VOPP1: variants seen among roughly 807,000 people sequenced by gnomAD.
The protein encoded by VOPP1 is WW domain binding protein VOPP1.
Under a neutral mutation model 23.5 loss-of-function variants are expected in VOPP1, and 8 were observed. The observed-to-expected ratio is 0.34, with a 90% CI of 0.20 to 0.61. The LOEUF (loss-of-function observed/expected upper bound fraction) is 0.61, where lower values mean the gene tolerates loss of function less well. Ranked by LOEUF, VOPP1 falls within the 20% of genes least tolerant of loss-of-function variation. The probability of loss-of-function intolerance (pLI) is 0.78; values close to 1 mark genes in which losing one functional copy is unlikely to be tolerated. For synonymous variants in VOPP1, 83 were observed against 97.3 expected, an observed-to-expected ratio of 0.85 and a Z score of 0.86; for missense variants, 174 against 238.1, an observed-to-expected ratio of 0.73 and a Z score of 1.77.
intron 1 of VOPP1, among the ~76,000 whole-genome samples, chr7:55,544,495 C>T (rs528902568): frequency 2.6e-5 from 4 of 152,100 alleles, no homozygotes; most frequent in Admixed American, 6.6e-5. Flanking sequence ...AAAAAACTTG[C>T]GAGAAAAGAT....
At position 55,563,297 on chromosome 7, in the gene VOPP1, T is replaced by A. The variant is rs180778789; in HGVS notation, c.54+8974A>T. ...GAAATTCAAAAAAGGAATGCTATATTTGCAACCATTAGAGAAGATTATTTG... is the reference window on the plus strand; with the variant it reads ...GAAATTCAAAAAAGGAATGCTATATATGCAACCATTAGAGAAGATTATTTG... On this transcript the variant is annotated intron_variant, in intron 1 of 4. Transcript: ENST00000285279. Among the ~76,000 whole-genome samples, 137 of 152,304 alleles carry A rather than the reference T, an allele frequency of 9.0e-4. 1 individual carries two copies. The highest frequency in any genetic ancestry group is 1.6e-3 in the Non-Finnish European group (111 of 68,020).
chr7:55,554,485 C>T (rs1328278737), intron 1 of VOPP1, among the ~76,000 whole-genome samples: 1 of 152,178 alleles, frequency 6.6e-6, no homozygotes, highest in Non-Finnish European at 1.5e-5. Flanking sequence ...GGACTGTACA[C>T]GAGGAAAATG....
intron 2 of VOPP1, among the ~76,000 whole-genome samples, chr7:55,519,102 T>A (rs1795669644): frequency 6.6e-6 from 1 of 152,194 alleles, no homozygotes; most frequent in Non-Finnish European, 1.5e-5. Context: ...CTGGAGTAAG[T>A]ACTCAATAAC....
intron 1 of VOPP1, among the ~76,000 whole-genome samples, chr7:55,551,000 C>T (rs1046456628): frequency 6.6e-6 from 1 of 152,042 alleles, no homozygotes; most frequent in Non-Finnish European, 1.5e-5. Context: ...CAGGACAGCC[C>T]GAGAAGAGGG....
chr7:55,505,648 AG>A (rs1794664648), intron 2 of VOPP1, among the ~76,000 whole-genome samples: 1 of 85,160 alleles, frequency 1.2e-5, no homozygotes, highest in Non-Finnish European at 2.2e-5. Flanking sequence ...AAAGGAAGGA[AG>A]GAAGGGAGGG....
intron 2 of VOPP1, among the ~76,000 whole-genome samples, chr7:55,500,123 G>A (rs1404691921): frequency 6.6e-6 from 1 of 152,198 alleles, no homozygotes; most frequent in African/African-American, 2.4e-5. Flanking sequence ...GTTTAGGAGT[G>A]TGGAAGGCAG....
intron 1 of VOPP1, among the ~76,000 whole-genome samples, chr7:55,536,881 G>A (rs1372066422): frequency 6.6e-6 from 1 of 152,148 alleles, no homozygotes; most frequent in Non-Finnish European, 1.5e-5. Flanking sequence ...TTCAATGTAA[G>A]TGCCCACAAA....
intron 2 of VOPP1, among the ~76,000 whole-genome samples, chr7:55,498,001 C>T (rs1228435055): frequency 4.6e-5 from 7 of 152,234 alleles, no homozygotes; most frequent in Non-Finnish European, 1.0e-4. Flanking sequence ...GACATTAAGC[C>T]TACCAGGACT....
intron 4 of VOPP1, among the ~76,000 whole-genome samples, chr7:55,451,298 C>T (rs977108881): frequency 1.3e-5 from 2 of 152,126 alleles, no homozygotes; most frequent in African/African-American, 4.8e-5. Context: ...AAAGAAACGC[C>T]TGAAGTACAG....
intron 1 of VOPP1, among the ~76,000 whole-genome samples, chr7:55,526,220 G>A (rs901723275): frequency 2.6e-5 from 4 of 152,206 alleles, no homozygotes; most frequent in African/African-American, 9.6e-5. Flanking sequence ...TCCCTTGAGG[G>A]GATCAACAGT....
chr7:55,572,188 TGG>T, intron 1 of VOPP1, 81 bp downstream of exon 1: 1 of 1,210,196 alleles, frequency 8.3e-7, no homozygotes, highest in Non-Finnish European at 1.1e-6. Flanking sequence ...CAAGGTCCTC[TGG>T]GGCGCCTCGG....
At chr7:55,461,663 A>C (rs1301419840) in intron 4 of VOPP1, among the ~76,000 whole-genome samples, 1 of 151,976 alleles carries the variant, frequency 6.6e-6, no homozygotes, top group Admixed American at 6.5e-5. Context: ...TGATCCACCC[A>C]CCTCAGCCTC....
intron 1 of VOPP1, among the ~76,000 whole-genome samples, chr7:55,526,169 G>A (rs372275999): frequency 2.0e-4 from 30 of 152,192 alleles, no homozygotes; most frequent in Admixed American, 5.2e-4. Context: ...CTATGAACAC[G>A]GCAGAGGGTG....
intron 1 of VOPP1, among the ~76,000 whole-genome samples, chr7:55,562,989 A>G (rs1175646020): frequency 6.6e-6 from 1 of 152,244 alleles, no homozygotes; most frequent in African/African-American, 2.4e-5. Flanking sequence ...TCAGTTATAC[A>G]TGCCCTAACT....
intron 4 of VOPP1, among the ~76,000 whole-genome samples, chr7:55,484,284 T>C (rs1792962056): frequency 6.6e-6 from 1 of 152,242 alleles, no homozygotes; most frequent in South Asian, 2.1e-4. Context: ...TGTAGAGACA[T>C]CCCAGGAACT....
chr7:55,494,747 A>G (rs1002467855), intron 3 of VOPP1, among the ~76,000 whole-genome samples: 1 of 152,172 alleles, frequency 6.6e-6, no homozygotes, highest in Non-Finnish European at 1.5e-5. Context: ...AAAGTGCACC[A>G]TTGTGCTAGG....
At chr7:55,523,048 T>C (rs1191719344) in intron 1 of VOPP1, among the ~76,000 whole-genome samples, 1 of 152,172 alleles carries the variant, frequency 6.6e-6, no homozygotes, top group Non-Finnish European at 1.5e-5. Flanking sequence ...TTGGTGGGTG[T>C]CTTCTTCTGG....
At chr7:55,528,842 G>C (rs1050366160) in intron 1 of VOPP1, among the ~76,000 whole-genome samples, 1 of 152,170 alleles carries the variant, frequency 6.6e-6, no homozygotes, top group Non-Finnish European at 1.5e-5. Flanking sequence ...AGCAATTAAA[G>C]CTGTATTCAT....
At chr7:55,453,222 T>C (rs990481620) in intron 4 of VOPP1, among the ~76,000 whole-genome samples, 15 of 152,358 alleles carry the variant, frequency 9.8e-5, no homozygotes, top group African/African-American at 2.9e-4. Flanking sequence ...AAACTTTTTT[T>C]CTGCAGTTTC....
Sources: gnomAD v4.1 joint callset for allele counts (sites outside exome capture counted in the v4.1 genomes callset) on GRCh38, gnomAD v4.1.1 for gene constraint, MANE v1.5 for transcripts, NCBI Gene and HGNC (gene_info 2026-07-23, HGNC 2026-07-21) for gene names.